Variants in SPATA13 observed in about 807,000 individuals in gnomAD.
SPATA13 encodes spermatogenesis associated 13, also known as spermatogenesis-associated protein 13.
Under a neutral mutation model 104.0 loss-of-function variants are expected in SPATA13, and 50 were observed. The ratio of observed to expected loss-of-function variants is 0.48; its 90% CI spans 0.38 to 0.61. The LOEUF is 0.61. Among genes scored for constraint, SPATA13 ranks in the 20% least tolerant of loss-of-function variants. The pLI, the probability that SPATA13 is intolerant of heterozygous loss-of-function variation, is 0.00. For missense variants in SPATA13, 1,524 were observed against 1,690.6 expected, an observed-to-expected ratio of 0.90 and a Z score of 1.73; for synonymous variants, 606 against 667.5, an observed-to-expected ratio of 0.91 and a Z score of 1.42.
chr13:24,035,993 G>A (rs1319402362), intron 3 of SPATA13, among the ~76,000 whole-genome samples: 1 of 139,474 alleles, frequency 7.2e-6, no homozygotes, highest in African/African-American at 2.8e-5. Context: ...CATCCTGGGT[G>A]ACAGAGTAAG....
upstream of SPATA13, chr13:24,160,598 G>A (rs1032939041): frequency 3.0e-5 from 14 of 468,038 alleles, no homozygotes; most frequent in African/African-American, 3.0e-4. Flanking sequence ...GTGTGGGGGC[G>A]TGGCCGAGGG....
rs1566192139 is a variant in SPATA13, at chr13:24,284,265, CAAT to C, written c.2296_2298del (p.Asn766del). 1 of 1,613,266 alleles carries C rather than the reference CAAT, an allele frequency of 6.2e-7. No individual in the cohort carries two copies. ...AGCCCGGCGGGGAGCAGCTGGCCAT[CAAT>C]GAGGTACTGGAATTCCACACGACAG... On this transcript the variant is annotated inframe_deletion, in exon 5 of 13. Coordinates refer to ENST00000382108, the MANE Select transcript of SPATA13 (RefSeq NM_001166271.3).
intron 5 of SPATA13, among the ~76,000 whole-genome samples, chr13:24,284,795 T>C (rs901373525): frequency 6.6e-6 from 1 of 152,216 alleles, no homozygotes; most frequent in Non-Finnish European, 1.5e-5. Context: ...GTTCGGCCAG[T>C]GCTTTCCACT....
intron 2 of SPATA13, among the ~76,000 whole-genome samples, chr13:24,009,162 C>G (rs528622684): frequency 6.6e-6 from 1 of 152,190 alleles, no homozygotes; most frequent in Non-Finnish European, 1.5e-5. Flanking sequence ...CTGGTTCTTC[C>G]TGGAGCTGAC....
At chr13:24,190,745 A>G (rs1348488907) in intron 1 of SPATA13, among the ~76,000 whole-genome samples, 2 of 152,138 alleles carry the variant, frequency 1.3e-5, no homozygotes, top group African/African-American at 2.4e-5. Flanking sequence ...GACGGAAACT[A>G]CCTCTGGTGA....
chr13:24,279,770 G>C (rs533512849), intron 4 of SPATA13, among the ~76,000 whole-genome samples: 1 of 152,226 alleles, frequency 6.6e-6, no homozygotes, highest in Admixed American at 6.5e-5. Flanking sequence ...TAGGAAGTTA[G>C]TGAAGCAAGG....
chr13:24,004,032 T>A (rs915659007), intron 2 of SPATA13, among the ~76,000 whole-genome samples: 1 of 152,184 alleles, frequency 6.6e-6, no homozygotes. Context: ...AGAAGTTGAC[T>A]CTTGTCTCCT....
chr13:24,142,525 AT>A (rs1184716143), intron 3 of SPATA13, among the ~76,000 whole-genome samples: 3 of 152,138 alleles, frequency 2.0e-5, no homozygotes, highest in African/African-American at 7.2e-5. Context: ...GGGGGCAGAA[AT>A]ATCACAGAAC....
intron 3 of SPATA13, among the ~76,000 whole-genome samples, chr13:24,056,280 C>T (rs1319857201): frequency 6.6e-6 from 1 of 152,200 alleles, no homozygotes; most frequent in East Asian, 1.9e-4. Context: ...ATATGTCCAC[C>T]TTCAAGTGCA....
intron 1 of SPATA13, among the ~76,000 whole-genome samples, chr13:23,983,035 A>G (rs1265680540): frequency 6.6e-6 from 1 of 152,212 alleles, no homozygotes; most frequent in African/African-American, 2.4e-5. Context: ...GAGCAAAATG[A>G]AGTGAGATTG....
At chr13:24,197,551 T>A (rs986569235) in intron 1 of SPATA13, among the ~76,000 whole-genome samples, 3 of 152,202 alleles carry the variant, frequency 2.0e-5, no homozygotes, top group African/African-American at 7.2e-5. Flanking sequence ...GTAACCTTTA[T>A]AGTTACCTTT....
intron 4 of SPATA13, among the ~76,000 whole-genome samples, chr13:24,269,846 C>T (rs1242543132): frequency 1.3e-5 from 2 of 149,080 alleles, no homozygotes; most frequent in African/African-American, 2.5e-5. Context: ...ACCTTGGCCT[C>T]CCAAAGTGTT....
intron 3 of SPATA13, among the ~76,000 whole-genome samples, chr13:24,076,175 G>A (rs1260233596): frequency 1.3e-5 from 2 of 152,148 alleles, no homozygotes; most frequent in Non-Finnish European, 2.9e-5. Flanking sequence ...AAATTCTTGA[G>A]GAAAACAACA....
In SPATA13 at chr13:24,286,616, C is replaced by T. The variant is rs1002263389; in HGVS notation, c.2482-149C>T. 1 of 837,800 alleles carries T rather than the reference C, an allele frequency of 1.2e-6. No individual in the cohort carries two copies. The highest frequency in any genetic ancestry group is 1.8e-6 in the Non-Finnish European group (1 of 549,754). The allele number at this position is 837,800 out of a possible 1,614,324, so 51.9% of individuals were successfully genotyped here. On this transcript the variant is annotated intron_variant, in intron 6 of 12. Transcript: ENST00000382108. The surrounding 1 kb of genome is among the most constrained non-coding windows in gnomAD (Gnocchi z 4.9). ...GTCCTCGTGCCTGCTGGCATAGCCG[C>T]AGCCCTGCTGAGGCCATGAGACTCA...
At chr13:24,121,684 A>G (rs144166466) in intron 3 of SPATA13, among the ~76,000 whole-genome samples, 246 of 152,282 alleles carry the variant, frequency 1.6e-3, no homozygotes, top group African/African-American at 5.4e-3. Flanking sequence ...TTATACTGCA[A>G]ATGAGACATT....
At chr13:24,008,993 G>A (rs1876350337) in intron 2 of SPATA13, among the ~76,000 whole-genome samples, 1 of 152,232 alleles carries the variant, frequency 6.6e-6, no homozygotes, top group Admixed American at 6.5e-5. Flanking sequence ...AAGAGGTGCT[G>A]AGCAGTGGCC....
chr13:24,124,798 G>A (rs990998164), intron 3 of SPATA13, among the ~76,000 whole-genome samples: 3 of 152,030 alleles, frequency 2.0e-5, no homozygotes, highest in Admixed American at 2.0e-4. Context: ...CATTTTGTTA[G>A]TTTCTTACAT....
intron 1 of SPATA13, among the ~76,000 whole-genome samples, chr13:24,173,494 T>TC (rs573919679): frequency 2.8e-5 from 4 of 145,208 alleles, no homozygotes; most frequent in East Asian, 2.0e-4. Context: ...CGCCTTTTAT[T>TC]CCCCCCCGTC....
chr13:23,990,329 G>A (rs934356471), intron 2 of SPATA13, among the ~76,000 whole-genome samples: 4 of 152,160 alleles, frequency 2.6e-5, no homozygotes, highest in African/African-American at 7.2e-5. Context: ...CCAGAATAAA[G>A]CTCAAACTTA....
Sources: gnomAD v4.1 joint callset for allele counts (sites outside exome capture counted in the v4.1 genomes callset) on GRCh38, gnomAD v4.1.1 for gene constraint, Gnocchi (gnomAD v3.1) non-coding constraint, MANE v1.5 for transcripts, NCBI Gene and HGNC (gene_info 2026-07-23, HGNC 2026-07-21) for gene names.